The following TMEM26 variants were observed in gnomAD, a reference collection of about 807,000 sequenced individuals.
TMEM26 encodes the protein transmembrane protein 26.
Under a neutral mutation model 28.8 loss-of-function variants are expected in TMEM26, and 38 were observed. That is an observed-to-expected ratio of 1.32 (90% CI 1.02 to 1.73). The LOEUF (loss-of-function observed/expected upper bound fraction) is 1.73, where lower values mean the gene tolerates loss of function less well. TMEM26 is among the 40% of genes most tolerant of loss of function. The pLI, the probability that TMEM26 is intolerant of heterozygous loss-of-function variation, is 0.00. For missense variants in TMEM26, 518 were observed against 447.1 expected, an observed-to-expected ratio of 1.16 and a Z score of -1.43; for synonymous variants, 227 against 182.9, an observed-to-expected ratio of 1.24 and a Z score of -1.95.
At chr10:61,439,400 T>G (rs1840056689) in intron 1 of TMEM26, among the ~76,000 whole-genome samples, 1 of 152,190 alleles carries the variant, frequency 6.6e-6, no homozygotes, top group Non-Finnish European at 1.5e-5. Context: ...AAGTCTCAAA[T>G]TAATGCTTAC....
chr10:61,430,181 A>G (rs1472470212), intron 3 of TMEM26, among the ~76,000 whole-genome samples: 1 of 152,072 alleles, frequency 6.6e-6, no homozygotes, highest in African/African-American at 2.4e-5. Context: ...CTGAGAGAGA[A>G]ACTAAGCGAT....
At position 61,443,008 on chromosome 10, in the gene TMEM26, T is replaced by C. The variant is rs539963403; in HGVS notation, c.192-6760A>G. Among the ~76,000 whole-genome samples, 19 of 152,288 alleles carry C rather than the reference T, an allele frequency of 1.2e-4. No homozygotes were observed. In the South Asian group the frequency reaches 1.9e-3, roughly 15 times the overall value. On this transcript the variant is annotated intron_variant, in intron 1 of 5. Coordinates refer to ENST00000399298, the MANE Select transcript of TMEM26 (RefSeq NM_178505.8). ...TCCCAGCCACCACCCATTAATCTTC[T>C]TAACTAGCATGTCCCTCATCATTAC... is the stretch of plus-strand genomic sequence containing the variant.
At chr10:61,428,776 C>T (rs192182714) in intron 4 of TMEM26, 150 bp downstream of exon 4, 45 of 668,036 alleles carry the variant, frequency 6.7e-5, no homozygotes, top group Non-Finnish European at 8.6e-5. Context: ...GTTTCTAATA[C>T]GTAAACAGCA....
chr10:61,416,260 G>A, intron 4 of TMEM26: 1 of 366,564 alleles, frequency 2.7e-6, no homozygotes, highest in South Asian at 2.2e-5. Flanking sequence ...CAATTTGCCT[G>A]CAAGGCAGTA....
At chr10:61,412,310 T>C (rs1166947773) in intron 5 of TMEM26, among the ~76,000 whole-genome samples, 1 of 152,120 alleles carries the variant, frequency 6.6e-6, no homozygotes. Flanking sequence ...GATTCCGTTT[T>C]TGGCATTTCT....
At chr10:61,412,946 A>G (rs1442981887) in intron 5 of TMEM26, 2 of 1,293,740 alleles carry the variant, frequency 1.5e-6, no homozygotes, top group South Asian at 1.3e-5. Flanking sequence ...AAGGACCTCC[A>G]ATGAGGACAA....
intron 1 of TMEM26, among the ~76,000 whole-genome samples, chr10:61,438,525 C>T (rs1474247711): frequency 6.6e-6 from 1 of 152,076 alleles, no homozygotes; most frequent in Admixed American, 6.5e-5. Context: ...CAATAATAAT[C>T]TAGGGAAACC....
intron 1 of TMEM26, among the ~76,000 whole-genome samples, chr10:61,437,164 G>A (rs547125533): frequency 6.6e-5 from 10 of 152,224 alleles, no homozygotes; most frequent in South Asian, 2.1e-4. Flanking sequence ...TCAGATATCC[G>A]TCTCTTCTTC....
rs546920561 is a variant in TMEM26, at chr10:61,436,453, C to T, written c.192-205G>A. Among the ~76,000 whole-genome samples the T allele has an allele frequency of 2.5e-3, 379 of 152,226 alleles. 2 individuals are homozygous for T. Among genetic ancestry groups the T allele is most frequent in the African/African-American group, 8.0e-3 (332 of 41,532 alleles). On this transcript the variant is annotated intron_variant, in intron 1 of 5. Coordinates refer to ENST00000399298, the MANE Select transcript of TMEM26 (RefSeq NM_178505.8). Reference sequence around the variant, plus strand: ...TATGGATTATAAAGAAACAAAGTAACTGTAAAAGGCACTAGCAGCTGTCAT... The same window carrying T: ...TATGGATTATAAAGAAACAAAGTAATTGTAAAAGGCACTAGCAGCTGTCAT...
chr10:61,412,917 G>T, intron 5 of TMEM26: 1 of 1,288,978 alleles, frequency 7.8e-7, no homozygotes. Flanking sequence ...TTTTATTAAA[G>T]TAAGACCAGT....
chr10:61,419,926 G>T (rs1032494504), intron 4 of TMEM26, among the ~76,000 whole-genome samples: 5 of 152,052 alleles, frequency 3.3e-5, no homozygotes, highest in African/African-American at 1.2e-4. Flanking sequence ...AACATCAAGA[G>T]AAAATTGAGT....
chr10:61,445,409 T>A (rs1298529048), intron 1 of TMEM26, among the ~76,000 whole-genome samples: 3 of 152,204 alleles, frequency 2.0e-5, no homozygotes. Flanking sequence ...AACCTCTTTA[T>A]GTGCTTAAGG....
At chr10:61,412,588 C>G (rs1229654296) in intron 5 of TMEM26, among the ~76,000 whole-genome samples, 5 of 152,014 alleles carry the variant, frequency 3.3e-5, no homozygotes. Context: ...GGAGAATTCT[C>G]AAATCAAAAT....
intron 1 of TMEM26, among the ~76,000 whole-genome samples, chr10:61,445,244 G>C (rs1840160674): frequency 6.6e-6 from 1 of 152,164 alleles, no homozygotes; most frequent in African/African-American, 2.4e-5. Flanking sequence ...GAGACTGTCT[G>C]AGAATGGCAC....
Position 61,428,923 on chromosome 10 carries a change from C to T in TMEM26, c.605+3G>A, listed in dbSNP as rs1390311556. ...AGGTGTTTTTGCTGCAAGGAATGCT[C>T]ACCTCACATTTTGTTCTTCTAGGGT... is the stretch of plus-strand genomic sequence containing the variant. On this transcript the variant is annotated splice_donor_region_variant and intron_variant, in intron 4 of 5. Transcript: ENST00000399298. 7.4e-6 allele frequency: 12 copies of T among 1,612,464 alleles called. No homozygotes were observed. The African/African-American group carries it at 8.0e-5, about 11-fold the overall frequency.
In TMEM26 at chr10:61,410,353, A is replaced by T. The variant is rs374593985; in HGVS notation, c.1076T>A (p.Val359Asp). ...GLAIPLRGSP[V>D]TSDDSHHTP ...GGTGTGGTGGGAGTCGTCGGAGGTG[A>T]CTGGGGAGCCCCGCAAAGGAATAGC... is the stretch of plus-strand genomic sequence containing the variant. The change falls in exon 6 of 6, where the codon GTC becomes GAC. Residue 359 changes from valine to aspartate, a missense_variant. Val to Asp is a radical substitution (Grantham distance 152). Coordinates refer to ENST00000399298, the MANE Select transcript of TMEM26 (RefSeq NM_178505.8). The T allele has an allele frequency of 4.3e-6, 7 of 1,613,584 alleles. No homozygotes were observed. The highest frequency in any genetic ancestry group is 5.9e-6 in the Non-Finnish European group (7 of 1,179,752).
intron 1 of TMEM26, among the ~76,000 whole-genome samples, chr10:61,441,210 C>T (rs1840087481): frequency 6.6e-6 from 1 of 152,102 alleles, no homozygotes; most frequent in Admixed American, 6.5e-5. Context: ...GAGCTCGCCA[C>T]AAACATTTAG....
At chr10:61,431,784 A>T (rs142306050) in intron 2 of TMEM26, among the ~76,000 whole-genome samples, 1 of 152,126 alleles carries the variant, frequency 6.6e-6, no homozygotes, top group East Asian at 1.9e-4. Context: ...TTACATGGGT[A>T]AATGGCATGT....
rs1234268967 is a variant in TMEM26, at chr10:61,429,134, C to G, written c.397G>C (p.Val133Leu). The change falls in exon 4 of 6, where the codon GTG (valine) becomes CTG (leucine). Residue 133 changes from valine to leucine, a missense_variant. Coordinates refer to ENST00000399298, the MANE Select transcript of TMEM26 (RefSeq NM_178505.8). Reference sequence around the variant, plus strand: ...TCACATACTGTAGATAAGTTATTCACAAAAACTTTGGCCTGTTTAACAGAA... The same window carrying G: ...TCACATACTGTAGATAAGTTATTCAGAAAAACTTTGGCCTGTTTAACAGAA... ...DDLIETAKVF[V>L]NNLSTVCEKV... The G allele has an allele frequency of 6.2e-7, 1 of 1,612,604 alleles. No individual in the cohort carries two copies. Among genetic ancestry groups the G allele is most frequent in the Non-Finnish European group, 8.5e-7 (1 of 1,179,194 alleles).
Sources: allele counts gnomAD v4.1 joint callset (sites outside exome capture counted in the v4.1 genomes callset), GRCh38; gene constraint gnomAD v4.1.1; transcripts MANE v1.5; gene names NCBI Gene and HGNC (gene_info 2026-07-23, HGNC 2026-07-21).